The following MARCHF3 variants were observed in gnomAD, a reference collection of about 807,000 sequenced individuals.
MARCHF3 encodes the protein membrane associated ring-CH-type finger 3, also known as E3 ubiquitin-protein ligase MARCHF3.
MARCHF3 carries 13 observed loss-of-function variants against 24.2 expected under a neutral mutation model. That is an observed-to-expected ratio of 0.54 (90% CI 0.35 to 0.85). MARCHF3 has a LOEUF of 0.85. Ranked by LOEUF, MARCHF3 falls within the 40% of genes least tolerant of loss-of-function variation. MARCHF3 has a pLI of 0.01. For missense variants in MARCHF3, 276 were observed against 325.0 expected (o/e 0.85, Z 1.16); for synonymous variants, 144 against 137.3 (o/e 1.05, Z -0.34).
chr5:126,984,957 G>T (rs919594850), intron 1 of MARCHF3, among the ~76,000 whole-genome samples: 5 of 152,180 alleles, frequency 3.3e-5, no homozygotes, highest in African/African-American at 1.2e-4. Flanking sequence ...GAGCTGGGAG[G>T]CTGGGTGGGA....
intron 3 of MARCHF3, among the ~76,000 whole-genome samples, chr5:126,889,571 A>G (rs981122917): frequency 6.6e-6 from 1 of 152,144 alleles, no homozygotes; most frequent in Non-Finnish European, 1.5e-5. Context: ...ATGCTCCCAA[A>G]GTAAGCAAGA....
chr5:126,906,760 A>G (rs1193473421), intron 3 of MARCHF3, among the ~76,000 whole-genome samples: 1 of 152,228 alleles, frequency 6.6e-6, no homozygotes, highest in Non-Finnish European at 1.5e-5. Flanking sequence ...GATCCTTTCA[A>G]AAAACCAGCT....
At chr5:127,011,576 A>G (rs1194294939) in intron 1 of MARCHF3, among the ~76,000 whole-genome samples, 3 of 152,314 alleles carry the variant, frequency 2.0e-5, no homozygotes, top group South Asian at 2.1e-4. Context: ...TGTGGTAAAA[A>G]TTCCTACATA....
At chr5:126,899,111 CCAAA>C in intron 3 of MARCHF3, 1 of 985,286 alleles carries the variant, frequency 1.0e-6, no homozygotes, top group Non-Finnish European at 1.2e-6. Context: ...CCGCTTTATC[CCAAA>C]CAATCTCACA....
intron 1 of MARCHF3, among the ~76,000 whole-genome samples, chr5:126,956,818 T>C (rs944383399): frequency 6.6e-6 from 1 of 152,218 alleles, no homozygotes; most frequent in African/African-American, 2.4e-5. Context: ...AACATTTTAC[T>C]TTCATCAGTA....
chr5:126,909,823 G>A (rs1309997778), intron 3 of MARCHF3, among the ~76,000 whole-genome samples: 1 of 151,984 alleles, frequency 6.6e-6, no homozygotes, highest in Admixed American at 6.6e-5. Flanking sequence ...TATTCTCTGG[G>A]CACACTTTAA....
At chr5:126,999,364 C>T (rs570403892) in intron 1 of MARCHF3, among the ~76,000 whole-genome samples, 1 of 152,180 alleles carries the variant, frequency 6.6e-6, no homozygotes, top group Admixed American at 6.5e-5. Flanking sequence ...TCCAACACAA[C>T]TTCCTGCACA....
chr5:126,930,955 T>C (rs1749463340), intron 1 of MARCHF3, among the ~76,000 whole-genome samples: 1 of 152,248 alleles, frequency 6.6e-6, no homozygotes, highest in Non-Finnish European at 1.5e-5. Flanking sequence ...GATAATATGC[T>C]GGCTCTGTCC....
chr5:127,000,971 GGC>G (rs1752109912), intron 1 of MARCHF3, among the ~76,000 whole-genome samples: 1 of 152,254 alleles, frequency 6.6e-6, no homozygotes, highest in African/African-American at 2.4e-5. Flanking sequence ...CAGGTGTGGT[GGC>G]TCACGCCTGT....
At chr5:126,948,779 G>A (rs1407114694) in intron 1 of MARCHF3, among the ~76,000 whole-genome samples, 1 of 152,128 alleles carries the variant, frequency 6.6e-6, no homozygotes, top group Admixed American at 6.5e-5. Flanking sequence ...TAATAACTGT[G>A]GATGAAACCC....
intron 3 of MARCHF3, among the ~76,000 whole-genome samples, chr5:126,890,304 T>C (rs914832111): frequency 1.3e-5 from 2 of 152,028 alleles, no homozygotes; most frequent in East Asian, 3.9e-4. Flanking sequence ...TTTATTATTA[T>C]ACTTTAAGTT....
intron 1 of MARCHF3, among the ~76,000 whole-genome samples, chr5:126,996,405 T>C (rs73786284): frequency 0.051 from 7,826 of 152,234 alleles, 366 homozygotes; most frequent in South Asian, 0.14. Context: ...GAGTCACTTG[T>C]ACTTGCTATA....
intron 1 of MARCHF3, among the ~76,000 whole-genome samples, chr5:126,937,623 A>G (rs973639574): frequency 1.1e-4 from 16 of 152,226 alleles, no homozygotes; most frequent in Admixed American, 9.2e-4. Context: ...TCTTAGCACC[A>G]TAAGTTAGTG....
intron 3 of MARCHF3, chr5:126,914,616 T>C: frequency 2.1e-6 from 1 of 477,012 alleles, no homozygotes; most frequent in South Asian, 3.3e-5. Context: ...GTTGGTTCCA[T>C]TTCACAGGGA....
At chr5:127,005,803 T>A (rs75888127) in intron 1 of MARCHF3, among the ~76,000 whole-genome samples, 7,855 of 151,942 alleles carry the variant, frequency 0.052, 390 homozygotes, top group South Asian at 0.14. Flanking sequence ...TAACATACAT[T>A]TATGTACATA....
intron 4 of MARCHF3, among the ~76,000 whole-genome samples, chr5:126,876,338 A>G (rs919716906): frequency 1.3e-5 from 2 of 152,242 alleles, no homozygotes; most frequent in African/African-American, 4.8e-5. Context: ...ATTATAGACT[A>G]GAAAACCTCT....
At chr5:126,979,988 C>T (rs1751341012) in intron 1 of MARCHF3, among the ~76,000 whole-genome samples, 1 of 150,276 alleles carries the variant, frequency 6.7e-6, no homozygotes, top group South Asian at 2.1e-4. Context: ...AAAGTGAAAT[C>T]CTGTATACTA....
At chr5:126,878,520 A>G in intron 3 of MARCHF3, 126 bp from the exon 4 acceptor site, 3 of 837,154 alleles carry the variant, frequency 3.6e-6, no homozygotes, top group South Asian at 3.5e-5. Context: ...CTGACTTGTT[A>G]TGAGATAACA....
intron 1 of MARCHF3, among the ~76,000 whole-genome samples, chr5:126,925,822 C>CATTCATGAGACAT (rs1749275820): frequency 1.3e-5 from 2 of 152,146 alleles, no homozygotes; most frequent in Non-Finnish European, 2.9e-5. Context: ...TGGGACATTA[C>CATTCATGAGACAT]TCAGGGATGA....
Sources: allele counts gnomAD v4.1 joint callset (sites outside exome capture counted in the v4.1 genomes callset), GRCh38; gene constraint gnomAD v4.1.1; transcripts MANE v1.5; gene names NCBI Gene and HGNC (gene_info 2026-07-23, HGNC 2026-07-21).